RORA: variants seen among roughly 807,000 people sequenced by gnomAD.
RORA encodes nuclear receptor ROR-alpha.
RORA carries 7 observed loss-of-function variants against 69.5 expected under a neutral mutation model. That is an observed-to-expected ratio of 0.10 (90% confidence interval 0.06 to 0.19). The LOEUF (loss-of-function observed/expected upper bound fraction) is 0.19. RORA is among the 10% of genes least tolerant of loss of function. RORA has a pLI of 1.00. For synonymous variants in RORA, 261 were observed against 240.8 expected (o/e 1.08, Z -0.78); for missense variants, 457 against 663.0 (o/e 0.69, Z 3.41).
chr15:60,749,775 C>A (rs566603075), intron 1 of RORA, among the ~76,000 whole-genome samples: 1 of 152,140 alleles, frequency 6.6e-6, no homozygotes, highest in South Asian at 2.1e-4. Flanking sequence ...TACCTGTAAT[C>A]CCAACATTTT....
chr15:60,717,048 T>C (rs1052208560), intron 1 of RORA, among the ~76,000 whole-genome samples: 1 of 152,208 alleles, frequency 6.6e-6, no homozygotes, highest in African/African-American at 2.4e-5. Flanking sequence ...GGCCTGGACT[T>C]GCAACTCGTG....
At chr15:60,994,463 C>A (rs1034542677) in intron 1 of RORA, among the ~76,000 whole-genome samples, 5 of 152,212 alleles carry the variant, frequency 3.3e-5, no homozygotes, top group Admixed American at 3.3e-4. Context: ...AAAACCCCTC[C>A]CTTCTCCTTT....
intron 1 of RORA, among the ~76,000 whole-genome samples, chr15:60,898,464 GA>G (rs1208596432): frequency 6.6e-6 from 1 of 151,524 alleles, no homozygotes; most frequent in Admixed American, 6.6e-5. Context: ...ATCGCTTTGA[GA>G]ATAGCCTAGG....
rs974077093 is a variant in RORA, at chr15:61,008,875, A to T, written c.166+220178T>A. On this transcript the variant is annotated intron_variant, in intron 1 of 10. Coordinates refer to ENST00000335670, the MANE Select transcript of RORA (RefSeq NM_134261.3). ...ATACTGCTTTTCTTCCTCTCTGCTG[A>T]CTCTGACCAAGGGCAACTCCAAGGA... 2.0e-5 allele frequency among the ~76,000 whole-genome samples: 3 copies of T among 152,026 alleles called. No homozygotes were observed. In the East Asian group the frequency reaches 5.8e-4, roughly 29 times the overall value.
At chr15:60,963,358 A>C (rs1320849274) in intron 1 of RORA, among the ~76,000 whole-genome samples, 3 of 152,248 alleles carry the variant, frequency 2.0e-5, no homozygotes, top group South Asian at 2.1e-4. Flanking sequence ...ACTGTTGACT[A>C]AGCAGAGGTC....
At chr15:61,170,452 A>T (rs1304620616) in intron 1 of RORA, among the ~76,000 whole-genome samples, 1 of 152,050 alleles carries the variant, frequency 6.6e-6, no homozygotes, top group African/African-American at 2.4e-5. Context: ...CCCGCCTCTT[A>T]TAAGGACCTG....
At chr15:61,173,968 T>C (rs1272743884) in intron 1 of RORA, among the ~76,000 whole-genome samples, 1 of 152,216 alleles carries the variant, frequency 6.6e-6, no homozygotes, top group Admixed American at 6.5e-5. Flanking sequence ...GTGAGGGGCC[T>C]GGGAATCTGT....
intron 2 of RORA, among the ~76,000 whole-genome samples, chr15:60,589,206 C>A (rs1211679406): frequency 1.3e-5 from 2 of 152,172 alleles, no homozygotes; most frequent in South Asian, 4.1e-4. Context: ...AATTTCATTT[C>A]GTAGAAAGAA....
At chr15:60,864,463 T>A (rs1302000273) in intron 1 of RORA, among the ~76,000 whole-genome samples, 2 of 150,254 alleles carry the variant, frequency 1.3e-5, no homozygotes, top group African/African-American at 4.9e-5. Flanking sequence ...ACAGCAAACG[T>A]CCTTTCATGT....
chr15:61,074,370 A>G (rs2078415749), intron 1 of RORA, among the ~76,000 whole-genome samples: 1 of 152,236 alleles, frequency 6.6e-6, no homozygotes, highest in Non-Finnish European at 1.5e-5. Context: ...AAAACATACA[A>G]GCACCTACTC....
At chr15:60,885,903 T>C (rs1460321325) in intron 1 of RORA, among the ~76,000 whole-genome samples, 2 of 152,242 alleles carry the variant, frequency 1.3e-5, no homozygotes, top group African/African-American at 2.4e-5. Context: ...GGAAGAGGTA[T>C]GCACAGCCTG....
chr15:60,835,879 G>T (rs1321965390), intron 1 of RORA, among the ~76,000 whole-genome samples: 1 of 152,150 alleles, frequency 6.6e-6, no homozygotes, highest in African/African-American at 2.4e-5. Context: ...CCAAGAATTG[G>T]CATTGATATG....
At chr15:61,080,071 G>C (rs941459162) in intron 1 of RORA, among the ~76,000 whole-genome samples, 1 of 152,188 alleles carries the variant, frequency 6.6e-6, no homozygotes, top group African/African-American at 2.4e-5. Context: ...ACAGAAGAGA[G>C]CTGGTTCATG....
At chr15:60,739,155 T>G (rs2071541082) in intron 1 of RORA, among the ~76,000 whole-genome samples, 1 of 152,212 alleles carries the variant, frequency 6.6e-6, no homozygotes, top group Non-Finnish European at 1.5e-5. Flanking sequence ...GCTGTGGCCT[T>G]GTATCTAATG....
intron 2 of RORA, among the ~76,000 whole-genome samples, chr15:60,565,098 CT>C (rs929968480): frequency 3.3e-5 from 5 of 152,158 alleles, no homozygotes; most frequent in Non-Finnish European, 5.9e-5. Context: ...ACACTGTCTT[CT>C]TTTCATGTGG....
Position 60,524,159 on chromosome 15 carries a change from C to T in RORA, c.282+7607G>A, listed in dbSNP as rs2066268991. Among the ~76,000 whole-genome samples, 4 of 152,220 alleles carry T rather than the reference C, an allele frequency of 2.6e-5. No individual in the cohort carries two copies. The South Asian group carries it at 8.3e-4, about 31-fold the overall frequency. On this transcript the variant is annotated intron_variant, in intron 3 of 10. Coordinates refer to ENST00000335670, the MANE Select transcript of RORA (RefSeq NM_134261.3). ...GCTGCTTCTTGGCACCTTCCTATTT[C>T]TCAGATCCATCTACTTGTCTCCATC...
At chr15:60,727,020 C>T (rs949564507) in intron 1 of RORA, among the ~76,000 whole-genome samples, 1 of 152,136 alleles carries the variant, frequency 6.6e-6, no homozygotes, top group Non-Finnish European at 1.5e-5. Context: ...TGATCGCAAA[C>T]TCCTGTGAAC....
At chr15:60,980,997 T>C (rs571300516) in intron 1 of RORA, among the ~76,000 whole-genome samples, 1 of 152,176 alleles carries the variant, frequency 6.6e-6, no homozygotes, top group East Asian at 1.9e-4. Flanking sequence ...TCAGGTGTCA[T>C]AGTGACAAAC....
chr15:60,925,657 C>T (rs1344067905), intron 1 of RORA, among the ~76,000 whole-genome samples: 1 of 152,214 alleles, frequency 6.6e-6, no homozygotes, highest in East Asian at 1.9e-4. Flanking sequence ...GATCATCAGA[C>T]CGGCCATTGG....
Sources: gnomAD v4.1 joint callset for allele counts (sites outside exome capture counted in the v4.1 genomes callset) on GRCh38, gnomAD v4.1.1 for gene constraint, MANE v1.5 for transcripts, NCBI Gene and HGNC (gene_info 2026-07-23, HGNC 2026-07-21) for gene names.